UBE2G2: variants seen among roughly 807,000 people sequenced by gnomAD.
The protein encoded by UBE2G2 is ubiquitin conjugating enzyme E2 G2.
A neutral mutation model predicts 23.0 loss-of-function variants in UBE2G2; 10 were observed. The observed-to-expected ratio is 0.43, with a 90% CI of 0.27 to 0.74. UBE2G2 has a LOEUF of 0.74. UBE2G2 is among the 30% of genes least tolerant of loss of function. UBE2G2 has a pLI of 0.19. For synonymous variants in UBE2G2, 86 were observed against 81.3 expected (o/e 1.06, Z -0.31); for missense variants, 150 against 218.3 (o/e 0.69, Z 1.97).
rs987029381 is a variant in UBE2G2, at chr21:44,772,055, C to T, written c.386-566G>A. On this transcript the variant is annotated intron_variant, in intron 5 of 5. Coordinates refer to ENST00000345496, the MANE Select transcript of UBE2G2 (RefSeq NM_003343.6). This position sits in a 1 kb window ranked among gnomAD's most constrained non-coding sequence, Gnocchi z 5.4. The stretch of plus-strand genomic sequence containing the variant: ...ACTGCAGAACTGCAGTTAGGAGGCA[C>T]GGAGGGAGTAGCCAGGGCCTGCCGG... 4.6e-5 allele frequency among the ~76,000 whole-genome samples: 7 copies of T among 152,204 alleles called. No individual in the cohort carries two copies. Among genetic ancestry groups the T allele is most frequent in the African/African-American group, 1.2e-4 (5 of 41,456 alleles).
intron 3 of UBE2G2, among the ~76,000 whole-genome samples, chr21:44,778,659 C>G (rs1332325164): frequency 1.3e-5 from 2 of 152,196 alleles, no homozygotes; most frequent in Non-Finnish European, 2.9e-5. Context: ...AGATCTTGCA[C>G]CATCTTTCTT....
chr21:44,790,691 C>A (rs1348705335), intron 1 of UBE2G2, among the ~76,000 whole-genome samples: 2 of 152,226 alleles, frequency 1.3e-5, no homozygotes, highest in Non-Finnish European at 2.9e-5. Context: ...TTTCCTGAGG[C>A]CTCCCTAGCC....
chr21:44,784,477 G>A (rs1261358033), intron 3 of UBE2G2, among the ~76,000 whole-genome samples: 1 of 152,094 alleles, frequency 6.6e-6, no homozygotes, highest in Non-Finnish European at 1.5e-5. Flanking sequence ...TGACACTTTT[G>A]TTGAAGAAAA....
chr21:44,791,374 C>G (rs1410839837), intron 1 of UBE2G2, among the ~76,000 whole-genome samples: 2 of 152,090 alleles, frequency 1.3e-5, no homozygotes, highest in African/African-American at 4.8e-5. Flanking sequence ...TTTTGTGGGC[C>G]AGGCCCAGCC....
intron 3 of UBE2G2, among the ~76,000 whole-genome samples, chr21:44,787,354 C>A (rs1555962226): frequency 6.6e-6 from 1 of 152,170 alleles, no homozygotes; most frequent in African/African-American, 2.4e-5. Flanking sequence ...ACACTGCTCA[C>A]TTACTAAGCC....
At chr21:44,774,799 G>C (rs1465434267) in intron 4 of UBE2G2, 13 of 449,012 alleles carry the variant, frequency 2.9e-5, no homozygotes, top group South Asian at 1.1e-4. Flanking sequence ...CCTTCTCCAG[G>C]AGTTGGTCCC....
At chr21:44,779,513 C>CG (rs1215319794) in intron 3 of UBE2G2, among the ~76,000 whole-genome samples, 5 of 151,848 alleles carry the variant, frequency 3.3e-5, no homozygotes, top group African/African-American at 4.9e-5. Flanking sequence ...GAGTACCCCC[C>CG]CCGGCCCACA....
rs190560826 is a variant in UBE2G2 at position 44,794,510 on chromosome 21, C to T, written c.44-6415G>A. ...TTAAAAGTCAATAATTGAATTTCAT[C>T]GAAATAATAAAAACCCTTCTTTTTT... On this transcript the variant is annotated intron_variant, in intron 1 of 5. Coordinates refer to ENST00000345496, the MANE Select transcript of UBE2G2 (RefSeq NM_003343.6). 2.0e-5 allele frequency among the ~76,000 whole-genome samples: 3 copies of T among 150,840 alleles called. No individual in the cohort carries two copies. The East Asian group carries it at 5.9e-4, about 30-fold the overall frequency.
chr21:44,773,503 C>A (rs905599814), intron 5 of UBE2G2, 44 bp downstream of exon 5: 3 of 1,584,554 alleles, frequency 1.9e-6, no homozygotes, highest in Non-Finnish European at 8.6e-7. Flanking sequence ...ACACCTGCAG[C>A]CTGGGTGTCC....
At chr21:44,792,088 T>C (rs1454380069) in intron 1 of UBE2G2, among the ~76,000 whole-genome samples, 1 of 152,252 alleles carries the variant, frequency 6.6e-6, no homozygotes, top group East Asian at 1.9e-4. Context: ...ATTTATCCAA[T>C]GCCTGTATTT....
At chr21:44,801,457 T>C (rs1253007572) in intron 1 of UBE2G2, 4 of 1,196,994 alleles carry the variant, frequency 3.3e-6, no homozygotes, top group African/African-American at 3.2e-5. Context: ...CTCAACTGTG[T>C]GTGCTCTCAA....
At chr21:44,784,741 C>G (rs931525713) in intron 3 of UBE2G2, among the ~76,000 whole-genome samples, 6 of 152,150 alleles carry the variant, frequency 3.9e-5, no homozygotes, top group African/African-American at 1.4e-4. Flanking sequence ...CTGGGAGCAT[C>G]CATCCACCAA....
intron 1 of UBE2G2, among the ~76,000 whole-genome samples, chr21:44,795,402 C>T (rs1056815038): frequency 3.9e-5 from 6 of 152,118 alleles, no homozygotes; most frequent in Non-Finnish European, 8.8e-5. Context: ...AAGGCCAAGA[C>T]GGGCAGATTG....
At chr21:44,801,363 C>T (rs1164446121) in intron 1 of UBE2G2, 6 of 1,131,554 alleles carry the variant, frequency 5.3e-6, no homozygotes, top group Non-Finnish European at 6.5e-6. Flanking sequence ...GCAAGTCAGG[C>T]CTTCTTCCTC....
chr21:44,787,879 C>T (rs1555962331), intron 3 of UBE2G2, 41 bp downstream of exon 3: 2 of 1,605,180 alleles, frequency 1.2e-6, no homozygotes. Context: ...ATCTGACTTC[C>T]AGCAAAGCCC....
intron 1 of UBE2G2, among the ~76,000 whole-genome samples, chr21:44,797,683 C>T (rs1296094860): frequency 7.2e-6 from 1 of 138,490 alleles, no homozygotes; most frequent in Non-Finnish European, 1.5e-5. Flanking sequence ...CCACTGCACT[C>T]CAGCCTGGGC....
chr21:44,776,254 C>T (rs1261107589), intron 4 of UBE2G2, among the ~76,000 whole-genome samples: 4 of 152,040 alleles, frequency 2.6e-5, no homozygotes, highest in East Asian at 3.8e-4. Context: ...AGCTACAGTA[C>T]AATTCACTTA....
At chr21:44,781,547 T>A (rs373975975) in intron 3 of UBE2G2, among the ~76,000 whole-genome samples, 4 of 152,188 alleles carry the variant, frequency 2.6e-5, no homozygotes, top group Non-Finnish European at 4.4e-5. Flanking sequence ...AGTGAGGAGT[T>A]AAATAGAAAC....
chr21:44,801,407 A>G, intron 1 of UBE2G2: 1 of 1,209,718 alleles, frequency 8.3e-7, no homozygotes, highest in Non-Finnish European at 1.0e-6. Flanking sequence ...GGCTGCCAAG[A>G]AAAGAAAAAA....
Sources: allele counts gnomAD v4.1 joint callset (sites outside exome capture counted in the v4.1 genomes callset), GRCh38; gene constraint gnomAD v4.1.1; non-coding constraint Gnocchi (gnomAD v3.1); transcripts MANE v1.5; gene names NCBI Gene and HGNC (gene_info 2026-07-23, HGNC 2026-07-21).